The following CD247 variants were observed in gnomAD, a reference collection of about 807,000 sequenced individuals.
CD247 encodes T-cell surface glycoprotein CD3 zeta chain.
In CD247, 13 loss-of-function variants were observed where a neutral mutation model predicts 30.0. That is an observed-to-expected ratio of 0.43 (90% confidence interval 0.28 to 0.69). The LOEUF (loss-of-function observed/expected upper bound fraction) is 0.69. Among genes scored for constraint, CD247 ranks in the 30% least tolerant of loss-of-function variants. The pLI is 0.16. For missense variants in CD247, 193 were observed against 212.6 expected, an observed-to-expected ratio of 0.91 and a Z score of 0.57; for synonymous variants, 72 against 80.0, an observed-to-expected ratio of 0.90 and a Z score of 0.53.
chr1:167,440,171 A>G (rs1260656988), intron 2 of CD247: 1 of 195,588 alleles, frequency 5.1e-6, no homozygotes, highest in Non-Finnish European at 1.1e-5. Flanking sequence ...TCTCCCCTTT[A>G]CTCCTAAATT....
intron 1 of CD247, among the ~76,000 whole-genome samples, chr1:167,507,727 T>C (rs142231907): frequency 1.3e-5 from 2 of 151,982 alleles, no homozygotes; most frequent in African/African-American, 4.8e-5. Flanking sequence ...TTCCAATGGC[T>C]CAGGAGGCTG....
At chr1:167,476,799 A>AAAT (rs940015929) in intron 1 of CD247, among the ~76,000 whole-genome samples, 5 of 152,274 alleles carry the variant, frequency 3.3e-5, no homozygotes, top group African/African-American at 1.2e-4. Context: ...CTGTGTCTCA[A>AAAT]AATAATAATA....
In CD247 at chr1:167,440,714, T is replaced by C. The variant is rs749227138; in HGVS notation, c.112A>G (p.Ile38Val). 13 of 1,613,928 alleles carry C rather than the reference T, an allele frequency of 8.1e-6. No homozygotes were observed. Among genetic ancestry groups the C allele is most frequent in the Non-Finnish European group, 1.1e-5 (13 of 1,179,940 alleles). ...DPKLCYLLDG[I>V]LFIYGVILTA... ...AGAATGACACCATAGATGAAGAGGA[T>C]TCCATCCAGCAGGTAGCAGAGTTTG... Residue 38 changes from isoleucine (I) to valine (V), a missense_variant, in exon 2 of 8, where the codon ATC (isoleucine) becomes GTC (valine). Ile to Val is a conservative substitution (Grantham distance 29). Coordinates refer to ENST00000362089, the MANE Select transcript of CD247 (RefSeq NM_198053.3).
chr1:167,448,263 T>G, intron 1 of CD247: 1 of 635,106 alleles, frequency 1.6e-6, no homozygotes, highest in Non-Finnish European at 2.0e-6. Flanking sequence ...GTTAATAACA[T>G]GCCTAATGTC....
At chr1:167,468,625 T>A (rs1426892989) in intron 1 of CD247, among the ~76,000 whole-genome samples, 1 of 152,176 alleles carries the variant, frequency 6.6e-6, no homozygotes, top group Non-Finnish European at 1.5e-5. Context: ...CATAGAGAGC[T>A]CAGGTCACCT....
At chr1:167,461,367 G>T (rs1480115502) in intron 1 of CD247, among the ~76,000 whole-genome samples, 1 of 152,210 alleles carries the variant, frequency 6.6e-6, no homozygotes, top group African/African-American at 2.4e-5. Flanking sequence ...TCTAAACCTA[G>T]ATTTATACTA....
At chr1:167,432,789 A>G (rs1241772083) in intron 7 of CD247, among the ~76,000 whole-genome samples, 1 of 152,220 alleles carries the variant, frequency 6.6e-6, no homozygotes, top group Non-Finnish European at 1.5e-5. Flanking sequence ...TCTGTCTGCC[A>G]TGGCCAAGCA....
Position 167,492,434 on chromosome 1 carries a change from C to G in CD247, c.58+25974G>C, listed in dbSNP as rs372086032. 3.3e-5 allele frequency among the ~76,000 whole-genome samples: 5 copies of G among 152,300 alleles called. No individual in the cohort carries two copies. The East Asian group carries it at 5.8e-4, about 18-fold the overall frequency. On this transcript the variant is annotated intron_variant, in intron 1 of 7. Coordinates refer to ENST00000362089, the MANE Select transcript of CD247 (RefSeq NM_198053.3). The stretch of plus-strand genomic sequence containing the variant: ...ATTTTTGTTAGTCCAATATTTTCCA[C>G]TGCTCTCAGAGACAAAGGTAGGCAA...
chr1:167,473,264 GC>G (rs1653608447), intron 1 of CD247, among the ~76,000 whole-genome samples: 1 of 152,098 alleles, frequency 6.6e-6, no homozygotes, highest in Non-Finnish European at 1.5e-5. Flanking sequence ...GCCCTCCACC[GC>G]CCAGGGGGCA....
Position 167,431,538 on chromosome 1 carries a change from T to G in CD247, c.*143A>C, listed in dbSNP as rs1333101138. ...CAGTCTGTGTGTGAAGGTTTGGAGC[T>G]AAATATAACCAAAGCATCCTGTACA... On this transcript the variant is annotated 3_prime_UTR_variant, in exon 8 of 8. Coordinates refer to ENST00000362089, the MANE Select transcript of CD247 (RefSeq NM_198053.3). The G allele has an allele frequency of 7.5e-6, 6 of 794,716 alleles. No individual in the cohort carries two copies. In the East Asian group the frequency reaches 1.5e-4, roughly 19 times the overall value. 49.2% of individuals were successfully genotyped at this position (794,716 alleles called of 1,614,324 possible).
At chr1:167,496,246 G>T (rs1364677298) in intron 1 of CD247, among the ~76,000 whole-genome samples, 1 of 152,218 alleles carries the variant, frequency 6.6e-6, no homozygotes, top group African/African-American at 2.4e-5. Flanking sequence ...GTAGTGAGTT[G>T]CTCATCACAG....
At chr1:167,441,290 A>G (rs933529184) in intron 1 of CD247, among the ~76,000 whole-genome samples, 1 of 151,980 alleles carries the variant, frequency 6.6e-6, no homozygotes. Flanking sequence ...CTCTCCCCCA[A>G]CTCCCTGCCT....
At chr1:167,487,179 C>T (rs1357216807) in intron 1 of CD247, among the ~76,000 whole-genome samples, 1 of 131,576 alleles carries the variant, frequency 7.6e-6, no homozygotes, top group Non-Finnish European at 1.7e-5. Flanking sequence ...GAGTTCAAGA[C>T]CAGCCTGGCC....
At chr1:167,465,908 T>C (rs1653224325) in intron 1 of CD247, among the ~76,000 whole-genome samples, 1 of 152,196 alleles carries the variant, frequency 6.6e-6, no homozygotes, top group East Asian at 1.9e-4. Flanking sequence ...CTTTTTCCTC[T>C]GCTAATTTGA....
chr1:167,491,179 G>A (rs1571580071), intron 1 of CD247, among the ~76,000 whole-genome samples: 1 of 152,310 alleles, frequency 6.6e-6, no homozygotes. Context: ...AAGTGTTGGT[G>A]AGGATGTGGA....
At chr1:167,463,857 C>G (rs1375800675) in intron 1 of CD247, among the ~76,000 whole-genome samples, 1 of 152,168 alleles carries the variant, frequency 6.6e-6, no homozygotes, top group African/African-American at 2.4e-5. Flanking sequence ...GTACCGTGTC[C>G]TACGAATTTA....
At chr1:167,458,689 C>CTTTCTTTTTTTTTT (rs1553231431) in intron 1 of CD247, 15 of 95,426 alleles carry the variant, frequency 1.6e-4, no homozygotes, top group African/African-American at 6.1e-4. Flanking sequence ...TTCTTTCTTT[C>CTTTCTTTTTTTTTT]TTTTTTTTTT....
At chr1:167,464,065 G>A (rs1653135802) in intron 1 of CD247, among the ~76,000 whole-genome samples, 1 of 152,098 alleles carries the variant, frequency 6.6e-6, no homozygotes, top group Non-Finnish European at 1.5e-5. Context: ...CCCCTACGGT[G>A]GAAAGTGTTG....
chr1:167,482,813 C>G (rs1654027363), intron 1 of CD247, among the ~76,000 whole-genome samples: 1 of 152,122 alleles, frequency 6.6e-6, no homozygotes. Context: ...TTATCCGGCC[C>G]AGGCTACCAC....
Sources: allele counts gnomAD v4.1 joint callset (sites outside exome capture counted in the v4.1 genomes callset), GRCh38; gene constraint gnomAD v4.1.1; transcripts MANE v1.5; gene names NCBI Gene and HGNC (gene_info 2026-07-23, HGNC 2026-07-21).